RAI14: variants seen among roughly 807,000 people sequenced by gnomAD.
The protein encoded by RAI14 is retinoic acid induced 14.
In RAI14, 45 loss-of-function variants were observed where a neutral mutation model predicts 115.4. The ratio of observed to expected loss-of-function variants is 0.39; its 90% CI spans 0.31 to 0.50. The LOEUF is 0.50. Among genes scored for constraint, RAI14 ranks in the 20% least tolerant of loss-of-function variants. The probability of loss-of-function intolerance (pLI) is 0.85; values close to 1 mark genes in which losing one functional copy is unlikely to be tolerated. For synonymous variants in RAI14, 371 were observed against 415.4 expected, an observed-to-expected ratio of 0.89 and a Z score of 1.30; for missense variants, 939 against 1,131.2, an observed-to-expected ratio of 0.83 and a Z score of 2.44.
At chr5:34,687,424 TGCCC>T in intron 2 of RAI14, 1 of 546,636 alleles carries the variant, frequency 1.8e-6, no homozygotes, top group Non-Finnish European at 2.8e-6. Context: ...TATCTACTGC[TGCCC>T]GTACCTTTCC....
intron 2 of RAI14, among the ~76,000 whole-genome samples, chr5:34,695,408 C>T (rs1739104348): frequency 1.3e-5 from 2 of 152,180 alleles, no homozygotes; most frequent in Admixed American, 1.3e-4. Context: ...CATAGATTAA[C>T]CCAGGAACCC....
chr5:34,750,294 AT>A (rs1194532773), intron 2 of RAI14, among the ~76,000 whole-genome samples: 1 of 152,058 alleles, frequency 6.6e-6, no homozygotes, highest in Non-Finnish European at 1.5e-5. Context: ...TACACCAGGA[AT>A]TTTAAACTTG....
intron 1 of RAI14, among the ~76,000 whole-genome samples, chr5:34,669,576 C>T (rs187318741): frequency 4.6e-5 from 7 of 152,272 alleles, no homozygotes; most frequent in East Asian, 3.9e-4. Flanking sequence ...TGGCTGTGGG[C>T]GCTTTTGTGT....
At chr5:34,695,775 A>C (rs992850878) in intron 2 of RAI14, among the ~76,000 whole-genome samples, 1 of 151,866 alleles carries the variant, frequency 6.6e-6, no homozygotes, top group Non-Finnish European at 1.5e-5. Flanking sequence ...AGAAAGAAGG[A>C]AAGTGAAAGT....
intron 2 of RAI14, among the ~76,000 whole-genome samples, chr5:34,743,988 T>C (rs1249481661): frequency 6.6e-6 from 1 of 152,242 alleles, no homozygotes; most frequent in African/African-American, 2.4e-5. Context: ...ATTTAGACAC[T>C]TAAAGTGCAC....
rs1256483202 is a variant in RAI14 at position 34,746,103 on chromosome 5, C to CTTT, written c.37-11355_37-11353dup. On this transcript the variant is annotated intron_variant, in intron 2 of 17. Transcript: ENST00000265109. Reference sequence around the variant, plus strand: ...ATACACCACCCCCTCCCCCCCCCGCCTTTTTTTTTTTTGTTTTTTTGAGAT... The same window carrying CTTT: ...ATACACCACCCCCTCCCCCCCCCGCCTTTTTTTTTTTTTTTGTTTTTTTGAGAT... Among the ~76,000 whole-genome samples, 2 of 108,988 alleles carry CTTT rather than the reference C, an allele frequency of 1.8e-5. 1 individual carries two copies. 71.5% of individuals were successfully genotyped at this position (108,988 alleles called of 152,430 possible). A position where few individuals can be genotyped will look rare whatever the true frequency, so the allele number is the denominator to read the frequency against.
At chr5:34,790,368 T>C (rs1752774200) in intron 3 of RAI14, among the ~76,000 whole-genome samples, 1 of 152,234 alleles carries the variant, frequency 6.6e-6, no homozygotes, top group Non-Finnish European at 1.5e-5. Context: ...GTCATTTCGT[T>C]GTCTGATTTG....
intron 3 of RAI14, among the ~76,000 whole-genome samples, chr5:34,795,719 T>A (rs958325096): frequency 8.5e-5 from 13 of 152,164 alleles, no homozygotes; most frequent in Middle Eastern, 3.2e-3. Context: ...GCTCCATCCC[T>A]TAACTAAAGC....
chr5:34,664,642 T>C (rs1414829866), intron 1 of RAI14, among the ~76,000 whole-genome samples: 1 of 152,020 alleles, frequency 6.6e-6, no homozygotes, highest in African/African-American at 2.4e-5. Flanking sequence ...TTTATTTCCA[T>C]GGGTTATTGG....
At chr5:34,773,529 T>C (rs897815602) in intron 3 of RAI14, among the ~76,000 whole-genome samples, 12 of 152,120 alleles carry the variant, frequency 7.9e-5, no homozygotes, top group Non-Finnish European at 1.8e-4. Context: ...ATATCCGGAA[T>C]ACACAAGGAA....
chr5:34,824,302 G>A lies in RAI14; in HGVS notation c.2460G>A (p.Glu820=). 6.2e-7 allele frequency: 1 copy of A among 1,614,174 alleles called. No individual in the cohort carries two copies. Among genetic ancestry groups the A allele is most frequent in the Non-Finnish European group, 8.5e-7 (1 of 1,180,036 alleles). ...AAGAGAAAGAGAAGGTCCATTCAGAGGTTGTCCAGATTAGAAGTGAGGTCT... is the reference window on the plus strand; with the variant it reads ...AAGAGAAAGAGAAGGTCCATTCAGAAGTTGTCCAGATTAGAAGTGAGGTCT... The part of the protein sequence containing the change: ...SVKEKEKVHS[E]VVQIRSEVSQ... The change falls in exon 15 of 18, where the codon GAG becomes GAA. Residue 820 remains glutamate, a synonymous_variant. Coordinates refer to ENST00000265109, the MANE Select transcript of RAI14 (RefSeq NM_015577.3).
At chr5:34,677,847 T>G (rs1042803827) in intron 1 of RAI14, among the ~76,000 whole-genome samples, 16 of 152,200 alleles carry the variant, frequency 1.1e-4, no homozygotes, top group Admixed American at 1.3e-4. Context: ...GGTGAAAAAG[T>G]AATCGTGGTT....
chr5:34,784,258 G>T (rs1447030789), intron 3 of RAI14, among the ~76,000 whole-genome samples: 1 of 152,126 alleles, frequency 6.6e-6, no homozygotes, highest in East Asian at 1.9e-4. Context: ...TAGGGTGTCT[G>T]GAAAACTTTA....
At chr5:34,788,815 A>G (rs895509907) in intron 3 of RAI14, among the ~76,000 whole-genome samples, 1 of 152,032 alleles carries the variant, frequency 6.6e-6, no homozygotes, top group Non-Finnish European at 1.5e-5. Context: ...GCAAAAACAC[A>G]AAAATTAGCC....
rs1032288166 is a variant in RAI14 at position 34,831,084 on chromosome 5, T to G, written c.*319T>G. 2.4e-5 allele frequency: 7 copies of G among 288,192 alleles called. No individual in the cohort carries two copies. In the Admixed American group the frequency reaches 2.9e-4, roughly 12 times the overall value. The allele number at this position is 288,192 out of a possible 1,614,324, so 17.9% of individuals were successfully genotyped here. On this transcript the variant is annotated 3_prime_UTR_variant, in exon 18 of 18. Coordinates refer to ENST00000265109, the MANE Select transcript of RAI14 (RefSeq NM_015577.3). ...TCCATCCCTGACTGGCTGAGTGGCTTTATCACCACCGAGTGATGTGCTGAG... is the reference window on the plus strand; with the variant it reads ...TCCATCCCTGACTGGCTGAGTGGCTGTATCACCACCGAGTGATGTGCTGAG...
At chr5:34,812,279 C>T (rs560680865) in intron 10 of RAI14, 71 bp downstream of exon 10, 2 of 1,240,668 alleles carry the variant, frequency 1.6e-6, no homozygotes, top group Admixed American at 4.3e-5. Flanking sequence ...TCAGATTTAA[C>T]CACTCTGGTC....
chr5:34,754,589 C>T (rs73076494), intron 2 of RAI14, among the ~76,000 whole-genome samples: 7,379 of 151,898 alleles, frequency 0.049, 639 homozygotes, highest in African/African-American at 0.17. Flanking sequence ...ATCTGCAGCA[C>T]TTCTTGAATG....
At chr5:34,774,660 C>T (rs1750619032) in intron 3 of RAI14, among the ~76,000 whole-genome samples, 1 of 151,718 alleles carries the variant, frequency 6.6e-6, no homozygotes, top group South Asian at 2.1e-4. Flanking sequence ...TTGATTCTTC[C>T]AACCATGAAC....
Position 34,743,601 on chromosome 5 carries a change from G to A in RAI14, c.37-13867G>A, listed in dbSNP as rs77762489. ...ACAGTCACTTAGGACTTACATGTACGTAGGGCTAGCCAACACCAAGTATGG... is the reference window on the plus strand; with the variant it reads ...ACAGTCACTTAGGACTTACATGTACATAGGGCTAGCCAACACCAAGTATGG... On this transcript the variant is annotated intron_variant, in intron 2 of 17. Coordinates refer to ENST00000265109, the MANE Select transcript of RAI14 (RefSeq NM_015577.3). Among the ~76,000 whole-genome samples, 1,246 of 152,282 alleles carry A rather than the reference G, an allele frequency of 8.2e-3. 8 individuals carry two copies. The highest frequency in any genetic ancestry group is 0.029 in the African/African-American group (1,190 of 41,560).
Sources: allele counts gnomAD v4.1 joint callset (sites outside exome capture counted in the v4.1 genomes callset), GRCh38; gene constraint gnomAD v4.1.1; transcripts MANE v1.5; gene names NCBI Gene and HGNC (gene_info 2026-07-23, HGNC 2026-07-21).